Variants in RETREG1 observed in about 807,000 individuals in gnomAD.
RETREG1 encodes reticulophagy regulator 1.
In RETREG1, 44 loss-of-function variants were observed where a neutral mutation model predicts 54.8. The ratio of observed to expected loss-of-function variants is 0.80; its 90% CI spans 0.63 to 1.03. RETREG1 has a LOEUF of 1.03. Among genes scored for constraint, RETREG1 ranks in the 50% least tolerant of loss-of-function variants. The pLI is 0.00. For synonymous variants in RETREG1, 217 were observed against 238.5 expected (o/e 0.91, Z 0.83); for missense variants, 554 against 605.1 (o/e 0.92, Z 0.89).
chr5:16,523,648 T>C (rs1740606928), intron 3 of RETREG1, among the ~76,000 whole-genome samples: 1 of 152,094 alleles, frequency 6.6e-6, no homozygotes, highest in South Asian at 2.1e-4. Context: ...TGAAAGCAAG[T>C]CACTAAATCC....
At chr5:16,532,308 C>G (rs62369719) in intron 3 of RETREG1, among the ~76,000 whole-genome samples, 14,048 of 152,202 alleles carry the variant, frequency 0.092, 700 homozygotes, top group African/African-American at 0.12. Flanking sequence ...GGGCAGATCA[C>G]GAGGTCAGGA....
chr5:16,534,684 T>C (rs1252594390), intron 3 of RETREG1, among the ~76,000 whole-genome samples: 5 of 152,230 alleles, frequency 3.3e-5, no homozygotes, highest in African/African-American at 1.2e-4. Context: ...GAGTTTTCAC[T>C]AGCCACTTTC....
Position 16,616,670 on chromosome 5 carries a change from G to C in RETREG1, c.302C>G (p.Ala101Gly), listed in dbSNP as rs1314332944. 1 of 1,596,140 alleles carries C rather than the reference G, an allele frequency of 6.3e-7. No homozygotes were observed. The highest frequency in any genetic ancestry group is 8.5e-7 in the Non-Finnish European group (1 of 1,177,284). Reference protein sequence around the residue: ...RPLRSLLGFVAANLLFWFLAL... With the variant: ...RPLRSLLGFVGANLLFWFLAL... ...CTCTCACCAGAACAGCAGGTTGGCA[G>C]CGACGAAGCCGAGCAGGCTCCGCAG... The change falls in exon 1 of 9, where the codon GCT (alanine) becomes GGT (glycine). Residue 101 changes from alanine (A) to glycine (G), a missense_variant. Ala to Gly is a moderately conservative substitution (Grantham distance 60). Transcript: ENST00000306320.
intron 3 of RETREG1, among the ~76,000 whole-genome samples, chr5:16,547,983 G>T (rs1225674173): frequency 6.6e-6 from 1 of 152,048 alleles, no homozygotes; most frequent in African/African-American, 2.4e-5. Flanking sequence ...TAAATGGGGA[G>T]ATTGGACTTA....
At chr5:16,538,778 C>T (rs1380903100) in intron 3 of RETREG1, among the ~76,000 whole-genome samples, 1 of 151,910 alleles carries the variant, frequency 6.6e-6, no homozygotes, top group Non-Finnish European at 1.5e-5. Flanking sequence ...GATCTCGGCT[C>T]ACTGCAAGCT....
chr5:16,595,470 G>A (rs899068087), intron 1 of RETREG1, among the ~76,000 whole-genome samples: 1 of 152,150 alleles, frequency 6.6e-6, no homozygotes, highest in African/African-American at 2.4e-5. Context: ...ACAGGTCTTG[G>A]TGTTGTTTTA....
chr5:16,511,613 A>G (rs956107251), intron 3 of RETREG1, among the ~76,000 whole-genome samples: 1 of 152,182 alleles, frequency 6.6e-6, no homozygotes, highest in African/African-American at 2.4e-5. Flanking sequence ...AATTCCTACA[A>G]TTCACAGGAA....
chr5:16,506,425 C>T (rs1037724280), intron 3 of RETREG1, among the ~76,000 whole-genome samples: 2 of 151,830 alleles, frequency 1.3e-5, no homozygotes, highest in African/African-American at 2.4e-5. Context: ...CATTTCATCT[C>T]GAAGGTAGCA....
At chr5:16,611,595 CAA>C (rs999280812) in intron 1 of RETREG1, among the ~76,000 whole-genome samples, 2 of 152,194 alleles carry the variant, frequency 1.3e-5, no homozygotes, top group East Asian at 3.8e-4. Flanking sequence ...ACACTTCACA[CAA>C]AGATTTCTAC....
chr5:16,616,927 C>G lies in RETREG1; in HGVS notation c.45G>C (p.Pro15=). The G allele has an allele frequency of 1.4e-6, 2 of 1,475,624 alleles. No homozygotes were observed. The highest frequency in any genetic ancestry group is 2.3e-5 in the Admixed American group (1 of 42,878). The allele number at this position is 1,475,624 out of a possible 1,614,324, so 91.4% of individuals were successfully genotyped here. A position where few individuals can be genotyped will look rare whatever the true frequency, so the allele number is the denominator to read the frequency against. The change falls in exon 1 of 9, where the codon CCG becomes CCC. Residue 15 remains proline (P), a synonymous_variant. Transcript: ENST00000306320. ...GCGCCTGCTCCTCGGCGGCAGGAGC[C>G]GGGCATCCCTCCTCGGCGTGCTCCG... The part of the protein sequence containing the change: ...APPEHAEEGC[P]APAAEEQAPP...
chr5:16,528,466 T>C (rs334492), intron 3 of RETREG1, among the ~76,000 whole-genome samples: 127,864 of 151,998 alleles, frequency 0.84, 53,811 homozygotes, highest in African/African-American at 0.86. Flanking sequence ...TGGATATATA[T>C]TCCACCTGCC....
intron 1 of RETREG1, among the ~76,000 whole-genome samples, chr5:16,590,402 G>C (rs548647757): frequency 6.6e-6 from 1 of 152,276 alleles, no homozygotes; most frequent in African/African-American, 2.4e-5. Flanking sequence ...TGCAGGTCAG[G>C]CTTCCTTCAA....
At chr5:16,609,484 A>G (rs1018688535) in intron 1 of RETREG1, among the ~76,000 whole-genome samples, 46 of 152,222 alleles carry the variant, frequency 3.0e-4, no homozygotes, top group African/African-American at 1.1e-3. Context: ...GCATCTGTAA[A>G]AGGGAGTTAT....
chr5:16,614,299 T>G (rs1385020450), intron 1 of RETREG1, among the ~76,000 whole-genome samples: 1 of 152,182 alleles, frequency 6.6e-6, no homozygotes, highest in Non-Finnish European at 1.5e-5. Context: ...GTCTTTAATA[T>G]AAAAACAGCT....
chr5:16,564,215 G>A (rs905843625), intron 3 of RETREG1, among the ~76,000 whole-genome samples: 1 of 152,198 alleles, frequency 6.6e-6, no homozygotes, highest in African/African-American at 2.4e-5. Context: ...TATTGCCTGT[G>A]CATAATTGCA....
At chr5:16,499,609 T>G (rs1739618805) in intron 3 of RETREG1, among the ~76,000 whole-genome samples, 1 of 152,216 alleles carries the variant, frequency 6.6e-6, no homozygotes, top group Non-Finnish European at 1.5e-5. Context: ...GAGTAATATT[T>G]GTGCACAGCT....
At chr5:16,516,868 A>G (rs1458929690) in intron 3 of RETREG1, among the ~76,000 whole-genome samples, 1 of 152,184 alleles carries the variant, frequency 6.6e-6, no homozygotes, top group Non-Finnish European at 1.5e-5. Flanking sequence ...TGGGAGGCAG[A>G]GTTGGGAGGA....
intron 3 of RETREG1, chr5:16,509,020 C>A (rs1740081924): frequency 9.0e-6 from 9 of 998,428 alleles, no homozygotes; most frequent in Non-Finnish European, 1.1e-5. Context: ...GGCCCGCCTG[C>A]CCTTTTTCTT....
intron 3 of RETREG1, among the ~76,000 whole-genome samples, chr5:16,541,523 C>T (rs536379783): frequency 1.5e-4 from 23 of 152,142 alleles, no homozygotes; most frequent in African/African-American, 5.5e-4. Context: ...CCTGTCTCTA[C>T]TAAAAATACA....
Sources: gnomAD v4.1 joint callset for allele counts (sites outside exome capture counted in the v4.1 genomes callset) on GRCh38, gnomAD v4.1.1 for gene constraint, MANE v1.5 for transcripts, NCBI Gene and HGNC (gene_info 2026-07-23, HGNC 2026-07-21) for gene names.